Variants in MAF observed in about 807,000 individuals in gnomAD.
MAF encodes MAF bZIP transcription factor.
In MAF, 10 loss-of-function variants were observed where a neutral mutation model predicts 22.0. The ratio of observed to expected loss-of-function variants is 0.45; its 90% confidence interval spans 0.28 to 0.77. MAF has a LOEUF of 0.77. Ranked by LOEUF, MAF falls within the 30% of genes least tolerant of loss-of-function variation. MAF has a pLI of 0.12. For missense variants in MAF, 544 were observed against 548.4 expected (o/e 0.99, Z 0.08); for synonymous variants, 337 against 255.8 (o/e 1.32, Z -3.03).
At chr16:79,350,380 G>A in the MAF span, among the ~76,000 whole-genome samples, 5 of 152,270 alleles carry the variant, frequency 3.3e-5, no homozygotes, top group Admixed American at 6.5e-5. Flanking sequence ...CCAGCAATAG[G>A]ATTTGAGTCT....
At chr16:79,456,586 A>G in the MAF span, among the ~76,000 whole-genome samples, 4 of 152,188 alleles carry the variant, frequency 2.6e-5, no homozygotes, top group Admixed American at 2.6e-4. Flanking sequence ...GTATGGGAGA[A>G]GGATGAGCTA....
At chr16:79,594,952 T>G (rs1236964399) in intron 1 of MAF, 2 of 1,097,388 alleles carry the variant, frequency 1.8e-6, no homozygotes, top group Non-Finnish European at 2.2e-6. Context: ...AACTATATTT[T>G]CCTTCCAATC....
At chr16:79,595,613 A>G in intron 1 of MAF, 1 of 1,058,366 alleles carries the variant, frequency 9.4e-7, no homozygotes, top group Non-Finnish European at 1.1e-6. Flanking sequence ...GAGTCCTACT[A>G]GTGAAGGTAG....
chr16:79,278,908 G>A, the MAF span, among the ~76,000 whole-genome samples: 1 of 152,190 alleles, frequency 6.6e-6, no homozygotes, highest in African/African-American at 2.4e-5. Flanking sequence ...GGTGTACCAG[G>A]TTCCTGGGGA....
chr16:79,316,144 G>T, the MAF span, among the ~76,000 whole-genome samples: 5 of 152,180 alleles, frequency 3.3e-5, no homozygotes, highest in African/African-American at 1.2e-4. Flanking sequence ...AGGCGTGGGC[G>T]CCTGTTAGAA....
chr16:79,570,045 T>C, the MAF span, among the ~76,000 whole-genome samples: 2 of 150,260 alleles, frequency 1.3e-5, no homozygotes, highest in Non-Finnish European at 1.5e-5. Flanking sequence ...CTTTCTTCCA[T>C]TGATTTATCT....
the MAF span, among the ~76,000 whole-genome samples, chr16:79,304,836 G>T: frequency 6.6e-6 from 1 of 152,324 alleles, no homozygotes; most frequent in East Asian, 1.9e-4. Flanking sequence ...TGAGTTGCGT[G>T]TTTGTGTTTT....
the MAF span, among the ~76,000 whole-genome samples, chr16:79,397,915 T>C: frequency 6.6e-6 from 1 of 152,184 alleles, no homozygotes; most frequent in Non-Finnish European, 1.5e-5. Context: ...GAGAGAAAGA[T>C]GTATCATTTT....
the MAF span, among the ~76,000 whole-genome samples, chr16:79,541,422 C>T: frequency 2.0e-4 from 31 of 152,012 alleles, no homozygotes; most frequent in Middle Eastern, 6.8e-3. Flanking sequence ...AAGGAGCCTG[C>T]GTCAGTCCCT....
the MAF span, among the ~76,000 whole-genome samples, chr16:79,455,062 C>T: frequency 6.6e-6 from 1 of 150,966 alleles, no homozygotes; most frequent in Non-Finnish European, 1.5e-5. Context: ...CACCATTGCA[C>T]TACAGCCTGG....
At chr16:79,525,358 G>A in the MAF span, among the ~76,000 whole-genome samples, 1 of 152,120 alleles carries the variant, frequency 6.6e-6, no homozygotes. Context: ...AGAAATTAAA[G>A]CACGGCTCTG....
chr16:79,246,256 C>T, the MAF span, among the ~76,000 whole-genome samples: 1 of 152,200 alleles, frequency 6.6e-6, no homozygotes, highest in South Asian at 2.1e-4. Context: ...AAGCATTTTA[C>T]ACTAAATCGT....
At chr16:79,502,521 C>A in the MAF span, among the ~76,000 whole-genome samples, 2 of 151,326 alleles carry the variant, frequency 1.3e-5, no homozygotes, top group Admixed American at 1.3e-4. Context: ...CAAAAATTAG[C>A]TGAGCGTGGT....
the MAF span, among the ~76,000 whole-genome samples, chr16:79,449,991 G>C: frequency 3.3e-5 from 5 of 152,202 alleles, no homozygotes; most frequent in Non-Finnish European, 5.9e-5. Flanking sequence ...GGAATTGACA[G>C]ACGCCGCTAA....
chr16:79,566,409 G>A, the MAF span, among the ~76,000 whole-genome samples: 3 of 152,212 alleles, frequency 2.0e-5, no homozygotes, highest in Non-Finnish European at 4.4e-5. Flanking sequence ...AAGACCCCCA[G>A]TCCTCCCTGT....
At chr16:79,395,918 G>C in the MAF span, among the ~76,000 whole-genome samples, 1 of 152,110 alleles carries the variant, frequency 6.6e-6, no homozygotes, top group East Asian at 1.9e-4. Context: ...AGAAGAGAAC[G>C]AGAAGAAAAT....
chr16:79,374,939 A>T, the MAF span, among the ~76,000 whole-genome samples: 1 of 152,190 alleles, frequency 6.6e-6, no homozygotes, highest in African/African-American at 2.4e-5. Flanking sequence ...GTTAGTTTTC[A>T]TGTGTGCATA....
At chr16:79,593,327 T>C (rs998229104), downstream of MAF, among the ~76,000 whole-genome samples, 7 of 152,194 alleles carry the variant, frequency 4.6e-5, no homozygotes, top group South Asian at 2.1e-4. Flanking sequence ...GACCAGGACA[T>C]GCTGGGAATG....
chr16:79,308,901 G>A, the MAF span, among the ~76,000 whole-genome samples: 5 of 152,178 alleles, frequency 3.3e-5, no homozygotes, highest in Admixed American at 3.3e-4. Flanking sequence ...GAGAATATAG[G>A]ACTCCTGCCT....
Sources: gnomAD v4.1 joint callset for allele counts (sites outside exome capture counted in the v4.1 genomes callset) on GRCh38, gnomAD v4.1.1 for gene constraint, MANE v1.5 for transcripts, NCBI Gene and HGNC (gene_info 2026-07-23, HGNC 2026-07-21) for gene names.